The following PAG1 variants were observed in gnomAD, a reference collection of about 807,000 sequenced individuals.
PAG1 encodes the protein phosphoprotein associated with glycosphingolipid-enriched microdomains 1.
In PAG1, 23 loss-of-function variants were observed where a neutral mutation model predicts 31.7. That is an observed-to-expected ratio of 0.73 (90% CI 0.52 to 1.03). The LOEUF (loss-of-function observed/expected upper bound fraction) is 1.03, where lower values mean the gene tolerates loss of function less well. Among genes scored for constraint, PAG1 ranks in the 50% least tolerant of loss-of-function variants. PAG1 has a pLI of 0.00. For missense variants in PAG1, 473 were observed against 540.7 expected (o/e 0.87, Z 1.24); for synonymous variants, 214 against 210.3 (o/e 1.02, Z -0.15).
At chr8:81,013,730 C>A (rs2130688149) in intron 3 of PAG1, among the ~76,000 whole-genome samples, 2 of 152,234 alleles carry the variant, frequency 1.3e-5, no homozygotes, top group South Asian at 2.1e-4. Context: ...TAGGTGTCTG[C>A]CACCATGCCT....
intron 2 of PAG1, among the ~76,000 whole-genome samples, chr8:81,060,433 T>C (rs985651389): frequency 5.3e-5 from 8 of 152,204 alleles, no homozygotes; most frequent in Non-Finnish European, 1.2e-4. Flanking sequence ...CCACAGCAAG[T>C]TGATGGCAAA....
intron 2 of PAG1, among the ~76,000 whole-genome samples, chr8:81,048,796 G>C (rs913050580): frequency 6.6e-6 from 1 of 152,132 alleles, no homozygotes; most frequent in Non-Finnish European, 1.5e-5. Flanking sequence ...TTGTGAGATT[G>C]TGTCCCATCT....
At chr8:80,993,396 C>A (rs375715929) in intron 3 of PAG1, 89 bp from the exon 4 acceptor site, 29 of 643,348 alleles carry the variant, frequency 4.5e-5, no homozygotes, top group Non-Finnish European at 6.8e-5. Context: ...AAGACCTTTG[C>A]GCAAAGTCAG....
At chr8:81,034,804 T>C (rs1285162417) in intron 2 of PAG1, among the ~76,000 whole-genome samples, 1 of 152,232 alleles carries the variant, frequency 6.6e-6, no homozygotes, top group Non-Finnish European at 1.5e-5. Flanking sequence ...TCTTGAGCTT[T>C]CCTTCTCTAT....
At position 80,968,060 on chromosome 8, in the gene PAG1, G is replaced by A. The variant is rs1806999872; in HGVS notation, c.*8484C>T. 6.6e-6 allele frequency: 1 copy of A among 152,174 alleles called. No homozygotes were observed. The highest frequency in any genetic ancestry group is 1.5e-5 in the Non-Finnish European group (1 of 68,042). The allele number at this position is 152,174 out of a possible 1,614,324, so 9.4% of individuals were successfully genotyped here. The stretch of plus-strand genomic sequence containing the variant: ...TTCAGTTCCTCAGGTACCATTACTG[G>A]TTGAATGATCAAGATCTGGCCACAG... On this transcript the variant is annotated 3_prime_UTR_variant, in exon 9 of 9. Transcript: ENST00000220597.
intron 3 of PAG1, among the ~76,000 whole-genome samples, chr8:80,993,597 T>C (rs1807605420): frequency 8.2e-6 from 1 of 122,144 alleles, no homozygotes; most frequent in Admixed American, 7.4e-5. Flanking sequence ...ATTCTTCTTG[T>C]TCTTTTTTTT....
intron 2 of PAG1, among the ~76,000 whole-genome samples, chr8:81,044,764 A>G (rs1257856874): frequency 2.0e-5 from 3 of 152,048 alleles, no homozygotes; most frequent in African/African-American, 7.2e-5. Flanking sequence ...GCTCACATCC[A>G]AAGGCTCTAG....
At chr8:81,066,254 A>G (rs1161549954) in intron 2 of PAG1, among the ~76,000 whole-genome samples, 1 of 152,278 alleles carries the variant, frequency 6.6e-6, no homozygotes, top group African/African-American at 2.4e-5. Flanking sequence ...TTTGCAAAGT[A>G]GCATAGAAAA....
intron 1 of PAG1, among the ~76,000 whole-genome samples, chr8:81,074,556 G>A (rs1439067035): frequency 6.6e-6 from 1 of 152,132 alleles, no homozygotes; most frequent in East Asian, 1.9e-4. Flanking sequence ...TGGTTGAGGA[G>A]AGAGTGGATT....
intron 1 of PAG1, among the ~76,000 whole-genome samples, chr8:81,091,059 G>C (rs1377913067): frequency 2.6e-5 from 4 of 152,202 alleles, no homozygotes; most frequent in Non-Finnish European, 4.4e-5. Flanking sequence ...TCTAAACTAA[G>C]AGAATGGCCG....
intron 1 of PAG1, among the ~76,000 whole-genome samples, chr8:81,097,546 TGGA>T (rs1257553778): frequency 6.6e-6 from 1 of 151,948 alleles, no homozygotes; most frequent in Non-Finnish European, 1.5e-5. Context: ...TGGCAGAGGC[TGGA>T]GGAGGAGGTG....
At chr8:81,003,435 G>A (rs1037766268) in intron 3 of PAG1, among the ~76,000 whole-genome samples, 12 of 152,170 alleles carry the variant, frequency 7.9e-5, no homozygotes, top group Admixed American at 2.0e-4. Context: ...CAAAGATTAT[G>A]GGATGATAAA....
chr8:81,053,585 T>A (rs1398349809), intron 2 of PAG1, among the ~76,000 whole-genome samples: 2 of 152,226 alleles, frequency 1.3e-5, no homozygotes, highest in African/African-American at 2.4e-5. Context: ...AAGCCTAGGT[T>A]ACTGTCTTCA....
At chr8:81,060,128 CA>C (rs1808894364) in intron 2 of PAG1, among the ~76,000 whole-genome samples, 1 of 151,978 alleles carries the variant, frequency 6.6e-6, no homozygotes, top group Non-Finnish European at 1.5e-5. Context: ...TGCACTGGAC[CA>C]CTGGCATTAG....
intron 1 of PAG1, among the ~76,000 whole-genome samples, chr8:81,077,294 C>G (rs867519115): frequency 6.6e-6 from 1 of 152,250 alleles, no homozygotes; most frequent in Non-Finnish European, 1.5e-5. Flanking sequence ...GGGACCCAGA[C>G]AGCCTAAGTG....
chr8:81,103,624 TAAGAC>T (rs1375723681), intron 1 of PAG1, among the ~76,000 whole-genome samples: 1 of 152,252 alleles, frequency 6.6e-6, no homozygotes, highest in Admixed American at 6.5e-5. Flanking sequence ...CCTGTTTTTA[TAAGAC>T]AAGTGAAAAT....
At chr8:81,011,286 T>C (rs1807979174) in intron 3 of PAG1, among the ~76,000 whole-genome samples, 1 of 152,216 alleles carries the variant, frequency 6.6e-6, no homozygotes, top group Admixed American at 6.5e-5. Flanking sequence ...GGGAGAGACC[T>C]GGCGGGAGAT....
intron 3 of PAG1, among the ~76,000 whole-genome samples, chr8:80,995,169 G>C (rs563254289): frequency 6.6e-6 from 1 of 152,224 alleles, no homozygotes; most frequent in East Asian, 1.9e-4. Flanking sequence ...TGAAGAAAAA[G>C]AGACTTTTAC....
At chr8:81,103,154 GAA>G (rs34583693) in intron 1 of PAG1, among the ~76,000 whole-genome samples, 2,876 of 61,416 alleles carry the variant, frequency 0.047, 91 homozygotes, top group African/African-American at 0.085. Context: ...CATTTTGTGG[GAA>G]AAAAAAAAAA....
Sources: allele counts gnomAD v4.1 joint callset (sites outside exome capture counted in the v4.1 genomes callset), GRCh38; gene constraint gnomAD v4.1.1; transcripts MANE v1.5; gene names NCBI Gene and HGNC (gene_info 2026-07-23, HGNC 2026-07-21).